Variants in ASIC2 observed in about 807,000 individuals in gnomAD.
ASIC2 encodes acid sensing ion channel subunit 2.
A neutral mutation model predicts 57.3 loss-of-function variants in ASIC2; 25 were observed. That is an observed-to-expected ratio of 0.44 (90% CI 0.32 to 0.61). The LOEUF (loss-of-function observed/expected upper bound fraction) is 0.61, where lower values mean the gene tolerates loss of function less well. ASIC2 is among the 20% of genes least tolerant of loss of function. The pLI is 0.06. For synonymous variants in ASIC2, 319 were observed against 307.5 expected, an observed-to-expected ratio of 1.04 and a Z score of -0.39; for missense variants, 641 against 738.1, an observed-to-expected ratio of 0.87 and a Z score of 1.52.
At chr17:33,574,231 T>C (rs970679285) in intron 1 of ASIC2, among the ~76,000 whole-genome samples, 4 of 152,250 alleles carry the variant, frequency 2.6e-5, no homozygotes, top group Non-Finnish European at 5.9e-5. Flanking sequence ...TTTTCATTCC[T>C]GTTCCTTGGA....
At chr17:33,544,192 A>G (rs1316913879) in intron 1 of ASIC2, among the ~76,000 whole-genome samples, 9 of 152,186 alleles carry the variant, frequency 5.9e-5, no homozygotes, top group Non-Finnish European at 1.0e-4. Context: ...AGATTCATCC[A>G]TGTGGTCGCC....
At chr17:33,305,608 A>G (rs1906138691) in intron 1 of ASIC2, among the ~76,000 whole-genome samples, 1 of 152,344 alleles carries the variant, frequency 6.6e-6, no homozygotes, top group South Asian at 2.1e-4. Flanking sequence ...CACATTTCAA[A>G]TAGTCCCGAA....
At position 33,288,715 on chromosome 17, in the gene ASIC2, G is replaced by GACACACACAC. The variant is rs56013728; in HGVS notation, c.708+2683_708+2692dup. Among the ~76,000 whole-genome samples the GACACACACAC allele has an allele frequency of 5.3e-3, 764 of 143,600 alleles. 2 individuals carry two copies. Among genetic ancestry groups the GACACACACAC allele is most frequent in the Middle Eastern group, 0.011 (3 of 280 alleles). 94.2% of individuals were successfully genotyped at this position (143,600 alleles called of 152,430 possible). The stretch of plus-strand genomic sequence containing the variant: ...CAGCAGAGTTTTCAGAGCTCTCTCT[G>GACACACACAC]ACACACACACACACACACACACACA... On this transcript the variant is annotated intron_variant, in intron 1 of 9. Transcript: ENST00000225823.
intron 1 of ASIC2, among the ~76,000 whole-genome samples, chr17:33,579,647 C>T (rs746227814): frequency 7.9e-5 from 12 of 151,848 alleles, no homozygotes; most frequent in Non-Finnish European, 1.0e-4. Context: ...AAGTTTCTTC[C>T]TTCTGGTGGG....
intron 1 of ASIC2, among the ~76,000 whole-genome samples, chr17:34,013,382 C>G (rs1906839892): frequency 6.6e-6 from 1 of 152,204 alleles, no homozygotes; most frequent in Admixed American, 6.5e-5. Flanking sequence ...CTGCAAAGGT[C>G]TCTTCCTGGG....
At chr17:33,245,606 A>C (rs2142125097) in intron 1 of ASIC2, among the ~76,000 whole-genome samples, 1 of 152,328 alleles carries the variant, frequency 6.6e-6, no homozygotes, top group South Asian at 2.1e-4. Context: ...TTCAGGAATG[A>C]CAGGAACTGA....
chr17:33,179,355 G>T lies in ASIC2; in HGVS notation c.709-67288C>A, dbSNP rs141212382. On this transcript the variant is annotated intron_variant, in intron 1 of 9. Transcript: ENST00000225823. Reference sequence around the variant, plus strand: ...AAATAAATAAATAAAAAGAGATCCAGAAAAAGCATGCAGACACGTCTGGCT... The same window carrying T: ...AAATAAATAAATAAAAAGAGATCCATAAAAAGCATGCAGACACGTCTGGCT... 8.9e-4 allele frequency among the ~76,000 whole-genome samples: 135 copies of T among 152,264 alleles called. 1 individual carries two copies. In the East Asian group the frequency reaches 0.016, roughly 18 times the overall value.
chr17:33,090,622 T>G (rs1182285683), intron 2 of ASIC2, among the ~76,000 whole-genome samples: 1 of 151,934 alleles, frequency 6.6e-6, no homozygotes, highest in Non-Finnish European at 1.5e-5. Context: ...GGAGGACATG[T>G]CAGCACTCAG....
chr17:33,380,245 C>CAAAAAAAAAAA (rs10586872), intron 1 of ASIC2, among the ~76,000 whole-genome samples: 45 of 71,008 alleles, frequency 6.3e-4, no homozygotes, highest in Non-Finnish European at 9.1e-4. Context: ...AACCCTGTCT[C>CAAAAAAAAAAA]AAAAAAAAAA....
intron 1 of ASIC2, among the ~76,000 whole-genome samples, chr17:33,413,447 C>A (rs1026769240): frequency 6.6e-6 from 1 of 152,214 alleles, no homozygotes; most frequent in African/African-American, 2.4e-5. Flanking sequence ...TCCTAACTAT[C>A]TCTCCAAGCT....
At chr17:33,772,789 C>T (rs756126416) in intron 1 of ASIC2, among the ~76,000 whole-genome samples, 1 of 152,280 alleles carries the variant, frequency 6.6e-6, no homozygotes, top group African/African-American at 2.4e-5. Flanking sequence ...CTTGGGCTTC[C>T]TATCAGTGAG....
chr17:34,152,976 G>A (rs1904582959), intron 1 of ASIC2, among the ~76,000 whole-genome samples: 1 of 152,190 alleles, frequency 6.6e-6, no homozygotes, highest in Non-Finnish European at 1.5e-5. Context: ...TGAGGGCTAA[G>A]AGTGTACTTG....
chr17:33,118,835 A>G (rs1250296395), intron 1 of ASIC2, among the ~76,000 whole-genome samples: 1 of 152,026 alleles, frequency 6.6e-6, no homozygotes, highest in Non-Finnish European at 1.5e-5. Context: ...AATAATGGCT[A>G]GGATCCTTTT....
intron 1 of ASIC2, among the ~76,000 whole-genome samples, chr17:33,328,800 A>T (rs907540517): frequency 6.6e-6 from 1 of 152,222 alleles, no homozygotes; most frequent in South Asian, 2.1e-4. Flanking sequence ...AAGTTTTTAA[A>T]ATAGAAATTC....
At chr17:34,046,423 T>C (rs1169335173) in intron 1 of ASIC2, among the ~76,000 whole-genome samples, 1 of 152,190 alleles carries the variant, frequency 6.6e-6, no homozygotes, top group Non-Finnish European at 1.5e-5. Flanking sequence ...GAGAAATTGA[T>C]CATTGAAAAT....
intron 1 of ASIC2, among the ~76,000 whole-genome samples, chr17:33,727,045 G>T (rs1217463424): frequency 1.3e-5 from 2 of 152,090 alleles, no homozygotes; most frequent in Non-Finnish European, 2.9e-5. Flanking sequence ...AGAAGGTTTT[G>T]GTCATTACAC....
At chr17:33,745,503 A>G (rs1597859066) in intron 1 of ASIC2, among the ~76,000 whole-genome samples, 1 of 139,266 alleles carries the variant, frequency 7.2e-6, no homozygotes, top group Admixed American at 7.4e-5. Flanking sequence ...AAAAATGCTG[A>G]AAGTCAAAGT....
At chr17:33,485,998 C>G (rs553099924) in intron 1 of ASIC2, among the ~76,000 whole-genome samples, 1 of 152,192 alleles carries the variant, frequency 6.6e-6, no homozygotes, top group African/African-American at 2.4e-5. Flanking sequence ...ACCTTGCCCC[C>G]GCCTCACGGC....
At chr17:33,806,991 G>A (rs143662517) in intron 1 of ASIC2, among the ~76,000 whole-genome samples, 78 of 152,304 alleles carry the variant, frequency 5.1e-4, no homozygotes, top group African/African-American at 1.9e-3. Context: ...CTCTCCACCT[G>A]AAAGACAAAG....
Sources: allele counts gnomAD v4.1 joint callset (sites outside exome capture counted in the v4.1 genomes callset), GRCh38; gene constraint gnomAD v4.1.1; transcripts MANE v1.5; gene names NCBI Gene and HGNC (gene_info 2026-07-23, HGNC 2026-07-21).